Variants in SAMD12 observed in about 807,000 individuals in gnomAD.
The protein encoded by SAMD12 is sterile alpha motif domain-containing protein 12.
In SAMD12, 9 loss-of-function variants were observed where a neutral mutation model predicts 15.0. The observed-to-expected ratio is 0.60, with a 90% CI of 0.36 to 1.05. SAMD12 has a LOEUF of 1.05. Among genes scored for constraint, SAMD12 ranks in the 50% least tolerant of loss-of-function variants. The pLI is 0.01. For missense variants in SAMD12, 230 were observed against 234.2 expected, an observed-to-expected ratio of 0.98 and a Z score of 0.12; for synonymous variants, 86 against 90.1, an observed-to-expected ratio of 0.96 and a Z score of 0.25.
intron 1 of SAMD12, among the ~76,000 whole-genome samples, chr8:118,614,560 C>T (rs1318527115): frequency 6.6e-6 from 1 of 152,216 alleles, no homozygotes; most frequent in East Asian, 1.9e-4. Flanking sequence ...AGCTGTAGCT[C>T]TGAGAGCCAC....
At chr8:118,152,114 A>G in the SAMD12 span, among the ~76,000 whole-genome samples, 3 of 152,196 alleles carry the variant, frequency 2.0e-5, no homozygotes, top group Non-Finnish European at 4.4e-5. Flanking sequence ...GGTTCAGAAA[A>G]GAGCAGAAAG....
intron 4 of SAMD12, among the ~76,000 whole-genome samples, chr8:118,318,778 C>T (rs1270681888): frequency 1.3e-5 from 2 of 152,038 alleles, no homozygotes; most frequent in African/African-American, 2.4e-5. Flanking sequence ...CTTTCTGACC[C>T]CAACCCTGGG....
At chr8:118,574,512 A>C (rs1827101198) in intron 2 of SAMD12, among the ~76,000 whole-genome samples, 2 of 152,346 alleles carry the variant, frequency 1.3e-5, no homozygotes, top group South Asian at 4.1e-4. Flanking sequence ...CTTGTAAAAT[A>C]AATTAGATGG....
At chr8:118,399,223 A>G (rs2450330) in intron 3 of SAMD12, among the ~76,000 whole-genome samples, 117,049 of 150,566 alleles carry the variant, frequency 0.78, 46,369 homozygotes, top group African/African-American at 0.92. Flanking sequence ...TTAATAAATG[A>G]CTGTGGAAGG....
rs528665749 is a variant in SAMD12 at position 118,580,756 on chromosome 8, C to G, written c.151G>C (p.Gly51Arg). 13 of 1,613,298 alleles carry G rather than the reference C, an allele frequency of 8.1e-6. No individual in the cohort carries two copies. The South Asian group carries it at 1.3e-4, about 16-fold the overall frequency. The change falls in exon 2 of 4, where the codon GGA becomes CGA. Residue 51 changes from glycine to arginine, a missense_variant. Transcript: ENST00000314727. ...TCTGCCTGCAGTCGCTTGGGAGTTC[C>G]TTTCTGGTCAGGCACCTTCTGGAAA... ...KNFQKVPDQK[G>R]TPKRLQAEAE...
intron 2 of SAMD12, among the ~76,000 whole-genome samples, chr8:118,503,485 C>T (rs1265771702): frequency 6.6e-6 from 1 of 152,174 alleles, no homozygotes; most frequent in Non-Finnish European, 1.5e-5. Flanking sequence ...TAAGGTTCAT[C>T]CCGCCAAGCC....
chr8:118,499,756 C>G (rs556799287), intron 2 of SAMD12, among the ~76,000 whole-genome samples: 1 of 152,232 alleles, frequency 6.6e-6, no homozygotes, highest in South Asian at 2.1e-4. Context: ...CCAAGATTAC[C>G]AAGTTGAAGG....
At chr8:118,532,837 T>A (rs1825728486) in intron 2 of SAMD12, among the ~76,000 whole-genome samples, 1 of 152,194 alleles carries the variant, frequency 6.6e-6, no homozygotes, top group South Asian at 2.1e-4. Flanking sequence ...CTTTTTTTCT[T>A]TACTAGTCTT....
At position 118,378,889 on chromosome 8, in the gene SAMD12, AT is replaced by A; in HGVS notation, c.*527del. 1.0e-6 allele frequency: 1 copy of A among 962,902 alleles called. No homozygotes were observed. Among genetic ancestry groups the A allele is most frequent in the African/African-American group, 1.8e-5 (1 of 56,840 alleles). The allele number at this position is 962,902 out of a possible 1,614,324, so 59.6% of individuals were successfully genotyped here. A position where few individuals can be genotyped will look rare whatever the true frequency, so the allele number is the denominator to read the frequency against. ...TAAGTGCTCTCATCATATTGAAGTT[AT>A]TTATAATTCCTGTTAAGAATTATAT... On this transcript the variant is annotated 3_prime_UTR_variant, in exon 4 of 4. Transcript: ENST00000314727.
intron 4 of SAMD12, among the ~76,000 whole-genome samples, chr8:118,309,373 G>T (rs1018954029): frequency 7.9e-4 from 103 of 130,258 alleles, no homozygotes; most frequent in Non-Finnish European, 1.5e-3. Flanking sequence ...ATATATTTGA[G>T]ATATATATGT....
At chr8:118,333,057 G>A (rs958959584) in intron 4 of SAMD12, among the ~76,000 whole-genome samples, 5 of 152,182 alleles carry the variant, frequency 3.3e-5, no homozygotes, top group Non-Finnish European at 2.9e-5. Context: ...TTAGCACAGT[G>A]CCTGAAAAAT....
intron 3 of SAMD12, among the ~76,000 whole-genome samples, chr8:118,415,448 G>GTGTGTGTGTGT (rs373929836): frequency 7.0e-6 from 1 of 142,858 alleles, no homozygotes. Context: ...CTTGTCCTAA[G>GTGTGTGTGTGT]GTGTGTGTGT....
chr8:118,187,730 T>C (rs1303922719), downstream of SAMD12, among the ~76,000 whole-genome samples: 1 of 152,170 alleles, frequency 6.6e-6, no homozygotes, highest in Non-Finnish European at 1.5e-5. Flanking sequence ...TACTCCTTGT[T>C]TGGGGAGAAC....
rs907392996 is a variant in SAMD12 at position 118,604,763 on chromosome 8, T to TA, written c.13+17040dup. 1.8e-3 allele frequency among the ~76,000 whole-genome samples: 276 copies of TA among 149,960 alleles called. 1 individual carries two copies. The highest frequency in any genetic ancestry group is 2.4e-3 in the Non-Finnish European group (162 of 67,426). On this transcript the variant is annotated intron_variant, in intron 1 of 3. Coordinates refer to ENST00000314727, the MANE Select transcript of SAMD12 (RefSeq NM_207506.3). ...AGTGAAACCCCGTCTCTACTAAAAA[T>TA]AAAAAAAAATTAGGGGGGCGTGGTG...
chr8:118,494,379 G>A (rs938362527), intron 2 of SAMD12, among the ~76,000 whole-genome samples: 6 of 152,154 alleles, frequency 3.9e-5, no homozygotes, highest in East Asian at 1.9e-4. Flanking sequence ...GCAGCAACAG[G>A]AAAATATATA....
At chr8:118,260,383 C>A (rs371579482) in intron 4 of SAMD12, among the ~76,000 whole-genome samples, 2 of 152,034 alleles carry the variant, frequency 1.3e-5, no homozygotes, top group Admixed American at 1.3e-4. Flanking sequence ...TATCTGGGCT[C>A]TTATGTTATT....
intron 3 of SAMD12, among the ~76,000 whole-genome samples, chr8:118,404,374 CTG>C (rs1821022481): frequency 6.6e-6 from 1 of 152,174 alleles, no homozygotes; most frequent in Admixed American, 6.5e-5. Flanking sequence ...TCTTGGCCTC[CTG>C]AAGAAAGTTC....
chr8:118,331,680 A>G (rs1297897660), intron 4 of SAMD12, among the ~76,000 whole-genome samples: 3 of 152,236 alleles, frequency 2.0e-5, no homozygotes, highest in Admixed American at 1.3e-4. Context: ...GCACATGAAC[A>G]TTTTAAAATA....
chr8:118,273,329 A>G (rs1813409091), intron 4 of SAMD12, among the ~76,000 whole-genome samples: 1 of 152,212 alleles, frequency 6.6e-6, no homozygotes, highest in Admixed American at 6.5e-5. Flanking sequence ...GCCCATGATT[A>G]AATTACCTCC....
Sources: allele counts gnomAD v4.1 joint callset (sites outside exome capture counted in the v4.1 genomes callset), GRCh38; gene constraint gnomAD v4.1.1; transcripts MANE v1.5; gene names NCBI Gene and HGNC (gene_info 2026-07-23, HGNC 2026-07-21).